The following TMTC2 variants were observed in gnomAD, a reference collection of about 807,000 sequenced individuals.
The protein encoded by TMTC2 is transmembrane O-mannosyltransferase targeting cadherins 2.
A neutral mutation model predicts 82.4 loss-of-function variants in TMTC2; 43 were observed. The ratio of observed to expected loss-of-function variants is 0.52; its 90% CI spans 0.41 to 0.67. The LOEUF is 0.67. Among genes scored for constraint, TMTC2 ranks in the 30% least tolerant of loss-of-function variants. The pLI is 0.00. For synonymous variants in TMTC2, 408 were observed against 381.9 expected (o/e 1.07, Z -0.80); for missense variants, 919 against 1,012.4 (o/e 0.91, Z 1.25).
rs1052515316 is a variant in TMTC2 at position 83,134,105 on chromosome 12, A to T, written c.*1716A>T. 1 of 152,540 alleles carries T rather than the reference A, an allele frequency of 6.6e-6. No homozygotes were observed. Among genetic ancestry groups the T allele is most frequent in the Non-Finnish European group, 1.5e-5 (1 of 68,010 alleles). The allele number at this position is 152,540 out of a possible 1,614,324, so 9.4% of individuals were successfully genotyped here. A position where few individuals can be genotyped will look rare whatever the true frequency, so the allele number is the denominator to read the frequency against. On this transcript the variant is annotated 3_prime_UTR_variant, in exon 12 of 12. Coordinates refer to ENST00000321196, the MANE Select transcript of TMTC2 (RefSeq NM_152588.3). ...TAAATGTAGTGAGAAAGGTTTTTTC[A>T]TGGCATTAATAAGAAAGCCCTTCTG...
chr12:82,748,134 C>G (rs1412443059), intron 1 of TMTC2, among the ~76,000 whole-genome samples: 7 of 151,924 alleles, frequency 4.6e-5, no homozygotes, highest in African/African-American at 7.3e-5. Flanking sequence ...CAGGGTGAAA[C>G]CCTGTCTTTC....
intron 8 of TMTC2, among the ~76,000 whole-genome samples, chr12:82,992,563 A>G (rs1001256509): frequency 6.6e-6 from 1 of 152,202 alleles, no homozygotes; most frequent in Admixed American, 6.5e-5. Context: ...TCACCACAAT[A>G]TATTCAGCTA....
At chr12:83,130,555 G>A (rs574038261) in intron 11 of TMTC2, among the ~76,000 whole-genome samples, 1 of 152,224 alleles carries the variant, frequency 6.6e-6, no homozygotes, top group South Asian at 2.1e-4. Flanking sequence ...ATATAGAAAG[G>A]TTTAAAAATA....
chr12:83,041,103 T>TA (rs915748607), intron 9 of TMTC2, among the ~76,000 whole-genome samples: 20 of 151,908 alleles, frequency 1.3e-4, no homozygotes, highest in Admixed American at 1.2e-3. Flanking sequence ...GAATCCACTT[T>TA]AAAAAAAAGT....
chr12:83,087,952 T>C (rs1479196044), intron 11 of TMTC2, among the ~76,000 whole-genome samples: 2 of 152,304 alleles, frequency 1.3e-5, no homozygotes, highest in East Asian at 3.9e-4. Context: ...GGCAGTGACT[T>C]CTCTCTGGCT....
chr12:82,922,821 T>A (rs1417283942), intron 3 of TMTC2, among the ~76,000 whole-genome samples: 2 of 152,180 alleles, frequency 1.3e-5, no homozygotes, highest in Non-Finnish European at 2.9e-5. Context: ...TATGGTCCAT[T>A]CATGTAACAG....
chr12:83,121,383 G>C (rs1006090436), intron 11 of TMTC2, among the ~76,000 whole-genome samples: 12 of 152,260 alleles, frequency 7.9e-5, no homozygotes, highest in Admixed American at 3.9e-4. Context: ...TCCTATGGAT[G>C]TGGCTTCCTG....
At chr12:82,994,903 C>G (rs1565843647) in intron 8 of TMTC2, among the ~76,000 whole-genome samples, 1 of 152,086 alleles carries the variant, frequency 6.6e-6, no homozygotes, top group Non-Finnish European at 1.5e-5. Flanking sequence ...ATTATAGGCA[C>G]AGGATCCCAT....
intron 1 of TMTC2, among the ~76,000 whole-genome samples, chr12:82,798,919 G>A: frequency 6.6e-6 from 1 of 151,838 alleles, no homozygotes; most frequent in East Asian, 1.9e-4. Flanking sequence ...GATGATACTT[G>A]CAGGAAAAAT....
intron 8 of TMTC2, among the ~76,000 whole-genome samples, chr12:82,988,824 C>G (rs1164476687): frequency 3.4e-5 from 5 of 148,230 alleles, no homozygotes; most frequent in African/African-American, 1.3e-4. Context: ...GACTGGCTCC[C>G]AAACCAGACA....
chr12:82,819,971 G>A (rs917015041), intron 1 of TMTC2, among the ~76,000 whole-genome samples: 16 of 152,170 alleles, frequency 1.1e-4, no homozygotes, highest in African/African-American at 3.9e-4. Context: ...GCTAGTCCAA[G>A]TCCCAAAACT....
chr12:82,756,441 A>C (rs1302939613), intron 1 of TMTC2, among the ~76,000 whole-genome samples: 2 of 152,204 alleles, frequency 1.3e-5, no homozygotes, highest in African/African-American at 2.4e-5. Context: ...TCATCCTGCC[A>C]GTAAAGCTGC....
chr12:82,950,378 G>C (rs1221788524), intron 4 of TMTC2, among the ~76,000 whole-genome samples: 1 of 152,168 alleles, frequency 6.6e-6, no homozygotes, highest in Non-Finnish European at 1.5e-5. Context: ...ACATGTGGAA[G>C]AAAATGTAGT....
intron 2 of TMTC2, among the ~76,000 whole-genome samples, chr12:82,892,082 A>G (rs940577248): frequency 6.6e-6 from 1 of 152,196 alleles, no homozygotes; most frequent in African/African-American, 2.4e-5. Flanking sequence ...AAATAAATAG[A>G]AAGAGTGAGT....
At chr12:82,823,287 C>G (rs1262978590) in intron 1 of TMTC2, among the ~76,000 whole-genome samples, 2 of 152,144 alleles carry the variant, frequency 1.3e-5, no homozygotes, top group African/African-American at 4.8e-5. Flanking sequence ...CCATGATGGT[C>G]ATTCAGTATT....
intron 2 of TMTC2, among the ~76,000 whole-genome samples, chr12:82,869,133 G>T (rs1268224378): frequency 6.6e-6 from 1 of 152,042 alleles, no homozygotes; most frequent in Non-Finnish European, 1.5e-5. Flanking sequence ...TGGGGCGAGT[G>T]GCAGGGGTGA....
chr12:82,736,903 T>C (rs1342223251), intron 1 of TMTC2, among the ~76,000 whole-genome samples: 1 of 152,210 alleles, frequency 6.6e-6, no homozygotes, highest in African/African-American at 2.4e-5. Flanking sequence ...GTAGGTAAAC[T>C]TAATCCTTTT....
At chr12:83,065,994 A>G (rs568590374) in intron 11 of TMTC2, among the ~76,000 whole-genome samples, 1 of 152,116 alleles carries the variant, frequency 6.6e-6, no homozygotes, top group South Asian at 2.1e-4. Flanking sequence ...AATTTATTCA[A>G]CTTATTTTTT....
At chr12:82,938,485 T>A (rs1876532952) in intron 4 of TMTC2, among the ~76,000 whole-genome samples, 1 of 152,106 alleles carries the variant, frequency 6.6e-6, no homozygotes, top group South Asian at 2.1e-4. Context: ...TGATGCCAGG[T>A]AAGCCGATTG....
Sources: gnomAD v4.1 joint callset for allele counts (sites outside exome capture counted in the v4.1 genomes callset) on GRCh38, gnomAD v4.1.1 for gene constraint, MANE v1.5 for transcripts, NCBI Gene and HGNC (gene_info 2026-07-23, HGNC 2026-07-21) for gene names.